Variants in ZNF487 observed in about 807,000 individuals in gnomAD.
ZNF487 encodes zinc finger protein 487.
A neutral mutation model predicts 3.0 loss-of-function variants in ZNF487; 4 were observed. The observed-to-expected ratio is 1.35, with a 90% CI of 0.66 to 3.08. The LOEUF (loss-of-function observed/expected upper bound fraction) is 3.08. Among genes scored for constraint, ZNF487 ranks in the 30% most tolerant of loss-of-function variants. The pLI is 0.01. For synonymous variants in ZNF487, 55 were observed against 34.6 expected (o/e 1.59, Z -2.06); for missense variants, 146 against 98.7 (o/e 1.48, Z -2.03).
chr10:43,437,032 G>T (rs1386695824), upstream of ZNF487: 1 of 342,366 alleles, frequency 2.9e-6, no homozygotes, highest in Non-Finnish European at 6.0e-6. Context: ...GGAGCAGCAA[G>T]GCTTCCGGAA....
Position 43,481,574 on chromosome 10 carries a change from C to T in ZNF487, c.276C>T (p.Pro92=), listed in dbSNP as rs2132156952. 2.8e-6 allele frequency: 2 copies of T among 701,796 alleles called. No homozygotes were observed. Among genetic ancestry groups the T allele is most frequent in the South Asian group, 3.1e-5 (2 of 63,868 alleles). 43.5% of individuals were successfully genotyped at this position (701,796 alleles called of 1,614,324 possible). ...AAACATTTTCTCTTGACACAAACCC[C>T]ATTCTATCAAGAAAAATACGTGGCA... ...LGKTFSLDTN[P]ILSRKIRGNC... Residue 92 remains proline, a synonymous_variant, in exon 4 of 4, where the codon CCC becomes CCT. Transcript: ENST00000437590.
chr10:43,494,295 C>T, the ZNF487 span, among the ~76,000 whole-genome samples: 19,176 of 152,106 alleles, frequency 0.13, 2,610 homozygotes, highest in African/African-American at 0.34. Context: ...ATAATTTTTA[C>T]ATATATGTGT....
At chr10:43,500,047 C>G in the ZNF487 span, among the ~76,000 whole-genome samples, 1 of 152,092 alleles carries the variant, frequency 6.6e-6, no homozygotes, top group Admixed American at 6.6e-5. Flanking sequence ...CCACACCTGG[C>G]TAATTTTTGT....
rs868810973 is a variant in ZNF487, at chr10:43,480,023, C to A, written c.131-1406C>A. On this transcript the variant is annotated intron_variant, in intron 3 of 3. Coordinates refer to ENST00000437590, the MANE Select transcript of ZNF487 (RefSeq NM_001355444.3). ...TCTTTCTTTCTTTCTTTCTTTCTTT[C>A]TTTCTTTCTTTCTTTCTTTCTTTTT... 3.6e-3 allele frequency among the ~76,000 whole-genome samples: 249 copies of A among 68,694 alleles called. 3 individuals are homozygous for A. Among genetic ancestry groups the A allele is most frequent in the African/African-American group, 8.7e-3 (243 of 27,956 alleles). 45.1% of individuals were successfully genotyped at this position (68,694 alleles called of 152,430 possible).
chr10:43,481,041 C>T lies in ZNF487; in HGVS notation c.131-388C>T, dbSNP rs143900929. 5.9e-5 allele frequency among the ~76,000 whole-genome samples: 9 copies of T among 152,140 alleles called. 1 individual carries two copies. In the East Asian group the frequency reaches 1.7e-3, roughly 29 times the overall value. On this transcript the variant is annotated intron_variant, in intron 3 of 3. Transcript: ENST00000437590. ...AATCTCAGCACTTTGGGAGCCGAGG[C>T]AGGTGGATTTCTTGAGCCCAGGAGG...
At chr10:43,455,504 C>G (rs1383239414) in intron 1 of ZNF487, among the ~76,000 whole-genome samples, 1 of 152,270 alleles carries the variant, frequency 6.6e-6, no homozygotes, top group African/African-American at 2.4e-5. Flanking sequence ...CCTTTGCGGT[C>G]TTTTGTCCAC....
At chr10:43,461,359 C>T (rs983387004) in intron 1 of ZNF487, among the ~76,000 whole-genome samples, 1 of 151,388 alleles carries the variant, frequency 6.6e-6, no homozygotes, top group Admixed American at 6.6e-5. Context: ...CTCTGTCACC[C>T]AGGCTGGAGC....
chr10:43,471,274 C>T (rs185694494), intron 1 of ZNF487, among the ~76,000 whole-genome samples: 125 of 152,228 alleles, frequency 8.2e-4, no homozygotes, highest in Non-Finnish European at 5.1e-4. Flanking sequence ...GAGCAAGCTC[C>T]GTGTCCAGAA....
intron 3 of ZNF487, among the ~76,000 whole-genome samples, chr10:43,479,532 A>C (rs934540062): frequency 6.6e-6 from 1 of 152,250 alleles, no homozygotes; most frequent in African/African-American, 2.4e-5. Context: ...TCACTATTAC[A>C]TCATCCTTCA....
chr10:43,506,022 T>A, the ZNF487 span, among the ~76,000 whole-genome samples: 4 of 152,262 alleles, frequency 2.6e-5, no homozygotes, highest in African/African-American at 9.6e-5. Flanking sequence ...TATGTTTGCC[T>A]GTGTGATTAC....
chr10:43,500,841 T>C, the ZNF487 span, among the ~76,000 whole-genome samples: 13 of 152,194 alleles, frequency 8.5e-5, no homozygotes, highest in East Asian at 1.9e-3. Context: ...ACAAGAAAAG[T>C]ATATTGAAAA....
chr10:43,448,994 C>T lies in ZNF487; in HGVS notation c.-94+11732C>T, dbSNP rs1564414116. ...GGGTGACAGAGTAAGAACCTGTCTC[C>T]GAAAAAAAAAAAAAAAAAAAAAGGC... On this transcript the variant is annotated intron_variant, in intron 1 of 3. Transcript: ENST00000437590. Among the ~76,000 whole-genome samples, 3 of 115,108 alleles carry T rather than the reference C, an allele frequency of 2.6e-5. No homozygotes were observed. The South Asian group carries it at 8.2e-4, about 32-fold the overall frequency. 75.5% of individuals were successfully genotyped at this position (115,108 alleles called of 152,430 possible). A position where few individuals can be genotyped will look rare whatever the true frequency, so the allele number is the denominator to read the frequency against.
chr10:43,440,310 A>T (rs1839550871), intron 1 of ZNF487, among the ~76,000 whole-genome samples: 1 of 151,356 alleles, frequency 6.6e-6, no homozygotes, highest in Non-Finnish European at 1.5e-5. Context: ...TCGGCCTCCC[A>T]AAGTGCTGGG....
the ZNF487 span, among the ~76,000 whole-genome samples, chr10:43,492,446 TTTTATTTTA>T: frequency 2.1e-4 from 13 of 61,942 alleles, no homozygotes; most frequent in African/African-American, 4.3e-4. Context: ...TATTTTATTA[TTTTATTTTA>T]TTTTATTTTA....
At chr10:43,513,662 C>T in the ZNF487 span, among the ~76,000 whole-genome samples, 2 of 152,296 alleles carry the variant, frequency 1.3e-5, no homozygotes, top group Middle Eastern at 3.4e-3. Flanking sequence ...CCTTATCCTA[C>T]CAGTCAGGGA....
intron 1 of ZNF487, among the ~76,000 whole-genome samples, chr10:43,457,676 G>T (rs1469616935): frequency 4.2e-5 from 6 of 143,586 alleles, no homozygotes; most frequent in African/African-American, 1.6e-4. Context: ...GGCAACAGAG[G>T]GAGACTCCGC....
intron 1 of ZNF487, among the ~76,000 whole-genome samples, chr10:43,447,299 G>A (rs1839849266): frequency 6.6e-6 from 1 of 151,392 alleles, no homozygotes; most frequent in South Asian, 2.1e-4. Context: ...CTGGAGTGCA[G>A]TGGCACGATC....
chr10:43,475,622 A>G (rs1278467655), intron 1 of ZNF487, 99 bp from the exon 2 acceptor site: 3 of 707,758 alleles, frequency 4.2e-6, no homozygotes, highest in Non-Finnish European at 7.9e-6. Flanking sequence ...TTTTCTCTTC[A>G]ACTATCAACA....
At chr10:43,498,111 TTTC>T in the ZNF487 span, among the ~76,000 whole-genome samples, 43 of 9,214 alleles carry the variant, frequency 4.7e-3, 1 homozygote, top group African/African-American at 0.012. Context: ...TTTTTTTTTT[TTTC>T]TTTTTTTTTT....
Sources: gnomAD v4.1 joint callset for allele counts (sites outside exome capture counted in the v4.1 genomes callset) on GRCh38, gnomAD v4.1.1 for gene constraint, MANE v1.5 for transcripts, NCBI Gene and HGNC (gene_info 2026-07-23, HGNC 2026-07-21) for gene names.